The following RBFOX1 variants were observed in gnomAD, a reference collection of about 807,000 sequenced individuals.
RBFOX1 encodes the protein RNA binding protein fox-1 homolog 1.
A neutral mutation model predicts 57.7 loss-of-function variants in RBFOX1; 8 were observed. The ratio of observed to expected loss-of-function variants is 0.14; its 90% CI spans 0.08 to 0.25. The LOEUF is 0.25. Ranked by LOEUF, RBFOX1 falls within the 10% of genes least tolerant of loss-of-function variation. RBFOX1 has a pLI of 1.00. For missense variants in RBFOX1, 611 were observed against 548.5 expected (o/e 1.11, Z -1.14); for synonymous variants, 326 against 222.4 (o/e 1.47, Z -4.15).
At chr16:6,950,393 C>G (rs564166218) in intron 3 of RBFOX1, among the ~76,000 whole-genome samples, 1 of 152,072 alleles carries the variant, frequency 6.6e-6, no homozygotes, top group Admixed American at 6.6e-5. Flanking sequence ...CCACCCACTA[C>G]CCACTACACC....
chr16:5,721,647 C>T (rs1005615448), intron 3 of RBFOX1, among the ~76,000 whole-genome samples: 3 of 152,086 alleles, frequency 2.0e-5, no homozygotes, highest in African/African-American at 4.8e-5. Context: ...CTCTTATGTT[C>T]CTAGATTATT....
chr16:7,256,781 C>A (rs549555835), intron 4 of RBFOX1, among the ~76,000 whole-genome samples: 1 of 152,136 alleles, frequency 6.6e-6, no homozygotes, highest in Admixed American at 6.5e-5. Flanking sequence ...TTGCATTTAA[C>A]TTCGAATCTT....
rs141413252 is a variant in RBFOX1 at position 7,208,534 on chromosome 16, C to G, written c.27+156436C>G. Among the ~76,000 whole-genome samples, 313 of 152,198 alleles carry G rather than the reference C, an allele frequency of 2.1e-3. 1 individual carries two copies. The highest frequency in any genetic ancestry group is 7.1e-3 in the African/African-American group (294 of 41,530). ...AGAGATAGTGGGGAGGAGCCAGGCTCTTTTTCACAACCTGTTCTCTGCTGG... is the reference window on the plus strand; with the variant it reads ...AGAGATAGTGGGGAGGAGCCAGGCTGTTTTTCACAACCTGTTCTCTGCTGG... On this transcript the variant is annotated intron_variant, in intron 4 of 15. Transcript: ENST00000550418.
chr16:6,493,515 C>A (rs897538288), intron 2 of RBFOX1, among the ~76,000 whole-genome samples: 1 of 152,094 alleles, frequency 6.6e-6, no homozygotes, highest in Non-Finnish European at 1.5e-5. Context: ...ATCTGTGGGT[C>A]ATTTCATCTT....
intron 2 of RBFOX1, among the ~76,000 whole-genome samples, chr16:5,588,850 G>A (rs185621173): frequency 1.5e-3 from 236 of 152,306 alleles, no homozygotes; most frequent in African/African-American, 5.5e-3. Context: ...CATGAGACAG[G>A]ATTTTGCAGG....
At chr16:7,461,933 CTTGTCTT>C (rs1352110829) in intron 4 of RBFOX1, among the ~76,000 whole-genome samples, 1 of 152,162 alleles carries the variant, frequency 6.6e-6, no homozygotes, top group Non-Finnish European at 1.5e-5. Flanking sequence ...CCCATTTGTT[CTTGTCTT>C]TTAATTTTTC....
intron 3 of RBFOX1, among the ~76,000 whole-genome samples, chr16:6,691,338 A>G (rs1353903250): frequency 6.6e-6 from 1 of 152,148 alleles, no homozygotes; most frequent in African/African-American, 2.4e-5. Flanking sequence ...CTGTTTCTTA[A>G]GAAAGCTTAT....
At chr16:7,330,743 C>T (rs1003280687) in intron 4 of RBFOX1, among the ~76,000 whole-genome samples, 1 of 151,614 alleles carries the variant, frequency 6.6e-6, no homozygotes, top group African/African-American at 2.4e-5. Flanking sequence ...CCTTCTGGTC[C>T]AGTGGTCTTT....
chr16:5,700,086 C>T (rs1465066519), intron 3 of RBFOX1, among the ~76,000 whole-genome samples: 1 of 152,176 alleles, frequency 6.6e-6, no homozygotes, highest in African/African-American at 2.4e-5. Flanking sequence ...CCCGCCTTGG[C>T]CTCCCAAAGT....
intron 11 of RBFOX1, among the ~76,000 whole-genome samples, chr16:7,646,771 C>T (rs2063818312): frequency 6.6e-6 from 1 of 152,330 alleles, no homozygotes; most frequent in African/African-American, 2.4e-5. Flanking sequence ...GTTTATAACC[C>T]TCAAGTATTT....
intron 3 of RBFOX1, among the ~76,000 whole-genome samples, chr16:6,921,627 A>T (rs1350416336): frequency 8.3e-6 from 1 of 120,434 alleles, no homozygotes; most frequent in Non-Finnish European, 1.7e-5. Flanking sequence ...AAATTACTGT[A>T]TATATATATA....
chr16:7,216,943 A>T (rs1229596685), intron 4 of RBFOX1, among the ~76,000 whole-genome samples: 1 of 151,170 alleles, frequency 6.6e-6, no homozygotes, highest in Non-Finnish European at 1.5e-5. Flanking sequence ...GTATTCAGGA[A>T]TGCACCCAGG....
chr16:6,476,657 G>C (rs2095277452), intron 2 of RBFOX1, among the ~76,000 whole-genome samples: 2 of 152,180 alleles, frequency 1.3e-5, no homozygotes, highest in South Asian at 2.1e-4. Flanking sequence ...GTACTGGTCA[G>C]GGTGGTAGTT....
At chr16:7,565,918 G>C (rs752309870) in intron 5 of RBFOX1, among the ~76,000 whole-genome samples, 1 of 152,088 alleles carries the variant, frequency 6.6e-6, no homozygotes, top group Non-Finnish European at 1.5e-5. Context: ...TTTCTACACC[G>C]TGATGGTGAA....
chr16:5,627,897 T>C (rs1219428720), intron 3 of RBFOX1, among the ~76,000 whole-genome samples: 2 of 152,228 alleles, frequency 1.3e-5, no homozygotes, highest in Non-Finnish European at 2.9e-5. Context: ...AGGGGGGTCC[T>C]GGAACAAATC....
At chr16:5,859,191 C>A (rs957795608) in intron 3 of RBFOX1, among the ~76,000 whole-genome samples, 4 of 152,102 alleles carry the variant, frequency 2.6e-5, no homozygotes, top group Non-Finnish European at 5.9e-5. Flanking sequence ...GGCGACACAG[C>A]GAGACTCTGT....
chr16:6,545,820 C>A (rs2096886790), intron 2 of RBFOX1, among the ~76,000 whole-genome samples: 1 of 152,194 alleles, frequency 6.6e-6, no homozygotes, highest in Non-Finnish European at 1.5e-5. Context: ...GGAGAGTAAT[C>A]TAAAGCCCAC....
intron 3 of RBFOX1, chr16:7,004,186 G>A (rs551415278): frequency 6.6e-6 from 1 of 151,994 alleles, no homozygotes; most frequent in African/African-American, 2.4e-5. Context: ...ATGCATAGAA[G>A]AATCTGTAAT....
chr16:7,530,766 C>G (rs1432611441), intron 5 of RBFOX1, among the ~76,000 whole-genome samples: 5 of 152,182 alleles, frequency 3.3e-5, no homozygotes, highest in Non-Finnish European at 7.3e-5. Context: ...TGCAGGAGTT[C>G]AGAAGCTGGC....
Sources: allele counts gnomAD v4.1 joint callset (sites outside exome capture counted in the v4.1 genomes callset), GRCh38; gene constraint gnomAD v4.1.1; transcripts MANE v1.5; gene names NCBI Gene and HGNC (gene_info 2026-07-23, HGNC 2026-07-21).